CLTB: variants seen among roughly 807,000 people sequenced by gnomAD.
CLTB encodes the protein clathrin, light chain (Lcb).
A neutral mutation model predicts 30.5 loss-of-function variants in CLTB; 10 were observed. The observed-to-expected ratio is 0.33, with a 90% CI of 0.20 to 0.56. CLTB has a LOEUF of 0.56. Ranked by LOEUF, CLTB falls within the 20% of genes least tolerant of loss-of-function variation. The pLI is 0.91. For missense variants in CLTB, 261 were observed against 308.3 expected, an observed-to-expected ratio of 0.85 and a Z score of 1.15; for synonymous variants, 102 against 120.3, an observed-to-expected ratio of 0.85 and a Z score of 1.00.
intron 2 of CLTB, among the ~76,000 whole-genome samples, chr5:176,403,070 G>T (rs1477743130): frequency 7.9e-5 from 11 of 139,760 alleles, no homozygotes; most frequent in Admixed American, 3.6e-4. Context: ...TTTTTTTTGA[G>T]GCGGAGTCTC....
intron 4 of CLTB, 66 bp from the exon 5 acceptor site, chr5:176,396,598 C>A: frequency 1.7e-6 from 2 of 1,161,572 alleles, no homozygotes; most frequent in Non-Finnish European, 2.6e-6. Context: ...GACAGGCAGG[C>A]AGAAGGTTAG....
intron 2 of CLTB, among the ~76,000 whole-genome samples, chr5:176,401,107 C>A (rs141579242): frequency 4.6e-5 from 7 of 152,314 alleles, no homozygotes; most frequent in Non-Finnish European, 8.8e-5. Context: ...GTGGGCCCTT[C>A]TGGGGCCCTT....
At chr5:176,398,588 T>C (rs1416811393) in intron 2 of CLTB, among the ~76,000 whole-genome samples, 2 of 151,844 alleles carry the variant, frequency 1.3e-5, no homozygotes, top group African/African-American at 2.4e-5. Context: ...GGTGCATGCC[T>C]GTAATCCCAG....
At position 176,398,074 on chromosome 5, in the gene CLTB, T is replaced by C. The variant is rs544153791; in HGVS notation, c.235-27A>G. Reference sequence around the variant, plus strand: ...TAGAACACAAACACGCAGCAGTCTATCCAGCCAGCACACCTGCCCCGCTGT... The same window carrying C: ...TAGAACACAAACACGCAGCAGTCTACCCAGCCAGCACACCTGCCCCGCTGT... On this transcript the variant is annotated intron_variant, in intron 2 of 5. Transcript: ENST00000310418. 27 of 1,602,016 alleles carry C rather than the reference T, an allele frequency of 1.7e-5. No individual in the cohort carries two copies. In the East Asian group the frequency reaches 2.7e-4, roughly 16 times the overall value.
intron 1 of CLTB, 152 bp from the exon 2 acceptor site, chr5:176,410,455 T>G (rs1393640990): frequency 3.2e-6 from 2 of 616,098 alleles, no homozygotes; most frequent in African/African-American, 3.7e-5. Context: ...ATATATAACT[T>G]AGGCTCAATC....
chr5:176,416,396 G>C lies in CLTB; in HGVS notation c.-33C>G, dbSNP rs769105150. 3 of 1,564,124 alleles carry C rather than the reference G, an allele frequency of 1.9e-6. No homozygotes were observed. Among genetic ancestry groups the C allele is most frequent in the East Asian group, 2.5e-5 (1 of 39,398 alleles). ...GCGCCTCCGCCGGAGCCTCCGCTGC[G>C]CTCGGCTCTGCCCGCGCCTGCCCCG... On this transcript the variant is annotated 5_prime_UTR_variant, in exon 1 of 6. Transcript: ENST00000310418.
intron 5 of CLTB, among the ~76,000 whole-genome samples, chr5:176,394,621 T>C (rs921226920): frequency 1.2e-4 from 18 of 151,480 alleles, no homozygotes; most frequent in East Asian, 2.0e-4. Flanking sequence ...GAGAGCATCC[T>C]GGCTAACACG....
chr5:176,392,729 G>A lies in CLTB; in HGVS notation c.*45C>T, dbSNP rs780097314. 3 of 1,603,520 alleles carry A rather than the reference G, an allele frequency of 1.9e-6. No individual in the cohort carries two copies. The highest frequency in any genetic ancestry group is 4.5e-5 in the East Asian group (2 of 44,728). ...CGACCAAAGCAGCTGCTCCTCCTGTGCCCAGGCCCAGCCCATGCTCTGTGG... is the reference window on the plus strand; with the variant it reads ...CGACCAAAGCAGCTGCTCCTCCTGTACCCAGGCCCAGCCCATGCTCTGTGG... On this transcript the variant is annotated 3_prime_UTR_variant, in exon 6 of 6. Transcript: ENST00000310418. This position sits in a 1 kb window ranked among gnomAD's most constrained non-coding sequence, Gnocchi z 5.2.
intron 2 of CLTB, among the ~76,000 whole-genome samples, chr5:176,408,227 C>CTTTT (rs548324556): frequency 6.9e-6 from 1 of 144,222 alleles, no homozygotes; most frequent in Non-Finnish European, 1.5e-5. Context: ...GGGTTTTCCT[C>CTTTT]TTTTTTTTTT....
intron 2 of CLTB, 32 bp downstream of exon 2, chr5:176,410,225 C>G (rs755862723): frequency 3.7e-6 from 6 of 1,607,930 alleles, no homozygotes; most frequent in Non-Finnish European, 5.1e-6. Flanking sequence ...GGCTGTTGGT[C>G]CTTACCACTG....
chr5:176,410,166 C>A (rs965549620), intron 2 of CLTB, 91 bp downstream of exon 2: 28 of 1,132,544 alleles, frequency 2.5e-5, no homozygotes, highest in Non-Finnish European at 2.9e-5. Flanking sequence ...AACAGGAGAA[C>A]CTGGAGCTGT....
rs1026934064 is a variant in CLTB at position 176,393,596 on chromosome 5, C to T, written c.519-651G>A. Reference sequence around the variant, plus strand: ...GTGATGGAATCCACCACATCCCAAGCGTCTTTCACCACAGAGCCCTTTGTA... The same window carrying T: ...GTGATGGAATCCACCACATCCCAAGTGTCTTTCACCACAGAGCCCTTTGTA... On this transcript the variant is annotated intron_variant, in intron 5 of 5. Coordinates refer to ENST00000310418, the MANE Select transcript of CLTB (RefSeq NM_007097.5). This position sits in a 1 kb window ranked among gnomAD's most constrained non-coding sequence, Gnocchi z 4.4. 6.6e-6 allele frequency among the ~76,000 whole-genome samples: 1 copy of T among 152,166 alleles called. No homozygotes were observed. Among genetic ancestry groups the T allele is most frequent in the Non-Finnish European group, 1.5e-5 (1 of 68,038 alleles).
chr5:176,416,379 G>A lies in CLTB; in HGVS notation c.-16C>T. The stretch of plus-strand genomic sequence containing the variant: ...CATCAGCCATTTTCCCCGCGCCTCC[G>A]CCGGAGCCTCCGCTGCGCTCGGCTC... On this transcript the variant is annotated 5_prime_UTR_variant, in exon 1 of 6. Coordinates refer to ENST00000310418, the MANE Select transcript of CLTB (RefSeq NM_007097.5). 6.3e-7 allele frequency: 1 copy of A among 1,583,232 alleles called. No individual in the cohort carries two copies. The highest frequency in any genetic ancestry group is 8.6e-7 in the Non-Finnish European group (1 of 1,167,860).
At chr5:176,412,054 T>C (rs894650543) in intron 1 of CLTB, among the ~76,000 whole-genome samples, 1 of 151,274 alleles carries the variant, frequency 6.6e-6, no homozygotes, top group Non-Finnish European at 1.5e-5. Context: ...CAGGCGCCTG[T>C]AGTCCCAGCC....
chr5:176,400,867 G>A (rs752801526), intron 2 of CLTB, among the ~76,000 whole-genome samples: 1 of 152,178 alleles, frequency 6.6e-6, no homozygotes, highest in Non-Finnish European at 1.5e-5. Context: ...AAGACCCCTG[G>A]AGCCAGCAGG....
chr5:176,395,366 G>A (rs1756469179), intron 5 of CLTB, among the ~76,000 whole-genome samples: 1 of 152,186 alleles, frequency 6.6e-6, no homozygotes, highest in South Asian at 2.1e-4. Context: ...CCATGAGCAC[G>A]GTGAGGGGGG....
chr5:176,415,194 G>A (rs1757633131), intron 1 of CLTB, among the ~76,000 whole-genome samples: 1 of 152,168 alleles, frequency 6.6e-6, no homozygotes, highest in Admixed American at 6.5e-5. Flanking sequence ...GAGGTCTGAA[G>A]CCAATCACAG....
rs749296564 is a variant in CLTB, at chr5:176,398,029, C to G, written c.253G>C (p.Asp85His). 2 of 1,613,994 alleles carry G rather than the reference C, an allele frequency of 1.2e-6. No individual in the cohort carries two copies. The highest frequency in any genetic ancestry group is 1.7e-6 in the Non-Finnish European group (2 of 1,180,034). Reference protein sequence around the residue: ...DVFQEANGPADGYAAIAQADR... With the variant: ...DVFQEANGPAHGYAAIAQADR... ...GCCTGGGCAATGGCTGCGTAGCCATCAGCAGGACCGTTGGCCTCCTAGAAC... is the reference window on the plus strand; with the variant it reads ...GCCTGGGCAATGGCTGCGTAGCCATGAGCAGGACCGTTGGCCTCCTAGAAC... The change falls in exon 3 of 6, where the codon GAT (aspartate) becomes CAT (histidine). Residue 85 changes from aspartate (D) to histidine (H), a missense_variant. Physicochemically the swap from Asp to His is moderately conservative, Grantham distance 81. Transcript: ENST00000310418.
At position 176,406,660 on chromosome 5, in the gene CLTB, G is replaced by A. The variant is rs967018000; in HGVS notation, c.234+3597C>T. On this transcript the variant is annotated intron_variant, in intron 2 of 5. Transcript: ENST00000310418. ...TAGTTGTGGGCAGGCTCGTCCTTAG[G>A]CTGTATTGGCAACTGGGTTTGTAGC... 5.4e-6 allele frequency: 7 copies of A among 1,289,222 alleles called. No individual in the cohort carries two copies. The African/African-American group carries it at 9.1e-5, about 17-fold the overall frequency. 79.9% of individuals were successfully genotyped at this position (1,289,222 alleles called of 1,614,324 possible).
Sources: allele counts gnomAD v4.1 joint callset (sites outside exome capture counted in the v4.1 genomes callset), GRCh38; gene constraint gnomAD v4.1.1; non-coding constraint Gnocchi (gnomAD v3.1); transcripts MANE v1.5; gene names NCBI Gene and HGNC (gene_info 2026-07-23, HGNC 2026-07-21).